INPP4A: variants seen among roughly 807,000 people sequenced by gnomAD.
The protein encoded by INPP4A is inositol polyphosphate-4-phosphatase type I A.
A neutral mutation model predicts 119.8 loss-of-function variants in INPP4A; 33 were observed. The observed-to-expected ratio is 0.28, with a 90% confidence interval of 0.21 to 0.37. INPP4A has a LOEUF of 0.37. Among genes scored for constraint, INPP4A ranks in the 10% least tolerant of loss-of-function variants. The probability of loss-of-function intolerance (pLI) is 1.00; values close to 1 mark genes in which losing one functional copy is unlikely to be tolerated. For synonymous variants in INPP4A, 496 were observed against 500.7 expected, an observed-to-expected ratio of 0.99 and a Z score of 0.12; for missense variants, 956 against 1,289.9, an observed-to-expected ratio of 0.74 and a Z score of 3.97.
At chr2:98,561,473 T>C (rs1458105676) in intron 17 of INPP4A, among the ~76,000 whole-genome samples, 1 of 152,244 alleles carries the variant, frequency 6.6e-6, no homozygotes, top group African/African-American at 2.4e-5. Context: ...AGTCCTTCTC[T>C]GGGCAGATAA....
At chr2:98,582,974 G>A (rs1350467702) in intron 24 of INPP4A, among the ~76,000 whole-genome samples, 1 of 144,452 alleles carries the variant, frequency 6.9e-6, no homozygotes, top group Non-Finnish European at 1.5e-5. Flanking sequence ...AAGATCACCT[G>A]CTGCACACAC....
intron 1 of INPP4A, among the ~76,000 whole-genome samples, chr2:98,473,334 AGT>A (rs1258646685): frequency 1.0e-4 from 15 of 150,112 alleles, no homozygotes; most frequent in African/African-American, 2.7e-4. Context: ...TGAGGAGGGC[AGT>A]GTGGGTGGAG....
At chr2:98,567,048 C>T (rs890252181) in intron 21 of INPP4A, among the ~76,000 whole-genome samples, 1 of 152,168 alleles carries the variant, frequency 6.6e-6, no homozygotes, top group Non-Finnish European at 1.5e-5. Flanking sequence ...AATATGGTAT[C>T]ATTGCTGGGA....
At chr2:98,582,827 C>A (rs1255032694) in intron 24 of INPP4A, among the ~76,000 whole-genome samples, 2 of 151,742 alleles carry the variant, frequency 1.3e-5, no homozygotes, top group Non-Finnish European at 2.9e-5. Context: ...TCACCTAGTG[C>A]ATAAGTCAGA....
chr2:98,524,578 G>A (rs987771808), intron 4 of INPP4A, among the ~76,000 whole-genome samples: 3 of 152,108 alleles, frequency 2.0e-5, no homozygotes, highest in Non-Finnish European at 2.9e-5. Context: ...TGTACCTTAC[G>A]TCTGTCTGCC....
chr2:98,481,130 C>T (rs771522314), intron 1 of INPP4A, among the ~76,000 whole-genome samples: 7 of 152,126 alleles, frequency 4.6e-5, no homozygotes, highest in Non-Finnish European at 8.8e-5. Flanking sequence ...GGTGTCCTAA[C>T]AAAACATAAT....
At chr2:98,518,043 T>C (rs1237958990) in intron 1 of INPP4A, among the ~76,000 whole-genome samples, 2 of 152,268 alleles carry the variant, frequency 1.3e-5, no homozygotes, top group Non-Finnish European at 2.9e-5. Context: ...GTTTACCATG[T>C]GTGTTCCTCA....
intron 1 of INPP4A, among the ~76,000 whole-genome samples, chr2:98,460,982 G>T (rs913493676): frequency 2.6e-5 from 4 of 152,126 alleles, no homozygotes; most frequent in Non-Finnish European, 5.9e-5. Flanking sequence ...TTGTCTCAGG[G>T]GCTCTCCCTA....
At chr2:98,545,725 C>T (rs895289318) in intron 11 of INPP4A, among the ~76,000 whole-genome samples, 3 of 152,174 alleles carry the variant, frequency 2.0e-5, no homozygotes, top group African/African-American at 7.2e-5. Flanking sequence ...AGCCGGTTCT[C>T]CCTGGCACCA....
At chr2:98,574,410 G>A (rs996034689) in intron 23 of INPP4A, among the ~76,000 whole-genome samples, 3 of 152,152 alleles carry the variant, frequency 2.0e-5, no homozygotes, top group Admixed American at 2.0e-4. Context: ...GGCCGAGGTA[G>A]GTGAGTCAGC....
At chr2:98,490,657 C>T (rs1337730952) in intron 1 of INPP4A, among the ~76,000 whole-genome samples, 2 of 152,174 alleles carry the variant, frequency 1.3e-5, no homozygotes, top group Non-Finnish European at 2.9e-5. Flanking sequence ...TCCTTCCTCT[C>T]TTCTTCTGTT....
At chr2:98,555,962 A>G in intron 16 of INPP4A, 154 bp downstream of exon 16, 1 of 847,402 alleles carries the variant, frequency 1.2e-6, no homozygotes, top group Non-Finnish European at 1.8e-6. Flanking sequence ...ATGGAGCAGC[A>G]GGCAGTGAGA....
Position 98,590,620 on chromosome 2 carries a change from C to T in INPP4A, c.*3012C>T, listed in dbSNP as rs989044245. 5 of 204,976 alleles carry T rather than the reference C, an allele frequency of 2.4e-5. No homozygotes were observed. Among genetic ancestry groups the T allele is most frequent in the Non-Finnish European group, 5.0e-5 (5 of 100,368 alleles). 12.7% of individuals were successfully genotyped at this position (204,976 alleles called of 1,614,324 possible). A position where few individuals can be genotyped will look rare whatever the true frequency, so the allele number is the denominator to read the frequency against. ...GGGTAACCCAGTCCTCGTTGTATGA[C>T]TTGTCAAAATGCAGTTCCACTTGTA... On this transcript the variant is annotated 3_prime_UTR_variant, in exon 25 of 25. Transcript: ENST00000409851.
intron 1 of INPP4A, among the ~76,000 whole-genome samples, chr2:98,472,161 C>T (rs3754890): frequency 0.24 from 36,741 of 151,934 alleles, 4,547 homozygotes; most frequent in Middle Eastern, 0.35. Context: ...GAAGTATGGT[C>T]CACATGGGTG....
Position 98,589,906 on chromosome 2 carries a change from GAGC to G in INPP4A, c.*2300_*2302del, listed in dbSNP as rs1490852431. 1 of 197,922 alleles carries G rather than the reference GAGC, an allele frequency of 5.1e-6. No individual in the cohort carries two copies. Among genetic ancestry groups the G allele is most frequent in the East Asian group, 7.9e-5 (1 of 12,712 alleles). 12.3% of individuals were successfully genotyped at this position (197,922 alleles called of 1,614,324 possible). ...TGTGGATTCTGTCAGAGCTCCTACA[GAGC>G]ACAGTTGCCTTTAGTTTCCTTTAAA... On this transcript the variant is annotated 3_prime_UTR_variant, in exon 25 of 25. Coordinates refer to ENST00000409851, the MANE Select transcript of INPP4A (RefSeq NM_001134225.2).
chr2:98,562,670 G>A (rs1213035125), intron 17 of INPP4A, among the ~76,000 whole-genome samples: 2 of 152,146 alleles, frequency 1.3e-5, no homozygotes, highest in Non-Finnish European at 2.9e-5. Flanking sequence ...ACCTTAATGA[G>A]AGCCTGTCTT....
At chr2:98,481,338 G>T (rs1051234435) in intron 1 of INPP4A, among the ~76,000 whole-genome samples, 2 of 152,158 alleles carry the variant, frequency 1.3e-5, no homozygotes, top group Admixed American at 1.3e-4. Flanking sequence ...TGGGGGGAAA[G>T]AAATGGCATA....
intron 1 of INPP4A, among the ~76,000 whole-genome samples, chr2:98,498,642 A>G (rs923511427): frequency 6.6e-6 from 1 of 152,270 alleles, no homozygotes; most frequent in Non-Finnish European, 1.5e-5. Flanking sequence ...TGTGTTAAGG[A>G]CTGAATTGTG....
At chr2:98,520,808 C>T (rs1162746214) in intron 4 of INPP4A, 77 bp downstream of exon 4, 1 of 780,752 alleles carries the variant, frequency 1.3e-6, no homozygotes, top group Non-Finnish European at 2.1e-6. Flanking sequence ...ACCACCAGTG[C>T]ATGGGCTTGT....
Sources: allele counts gnomAD v4.1 joint callset (sites outside exome capture counted in the v4.1 genomes callset), GRCh38; gene constraint gnomAD v4.1.1; transcripts MANE v1.5; gene names NCBI Gene and HGNC (gene_info 2026-07-23, HGNC 2026-07-21).